Variants in NTN4 observed in about 807,000 individuals in gnomAD.
NTN4 encodes the protein netrin-4.
NTN4 carries 32 observed loss-of-function variants against 73.6 expected under a neutral mutation model. The ratio of observed to expected loss-of-function variants is 0.44; its 90% CI spans 0.33 to 0.58. NTN4 has a LOEUF of 0.58. NTN4 is among the 20% of genes least tolerant of loss of function. The probability of loss-of-function intolerance (pLI) is 0.04; values close to 1 mark genes in which losing one functional copy is unlikely to be tolerated. For missense variants in NTN4, 654 were observed against 798.3 expected, an observed-to-expected ratio of 0.82 and a Z score of 2.18; for synonymous variants, 258 against 287.5, an observed-to-expected ratio of 0.90 and a Z score of 1.04.
chr12:95,791,106 T>A (rs1451090465), upstream of NTN4: 1 of 152,686 alleles, frequency 6.5e-6, no homozygotes, highest in African/African-American at 2.4e-5. This position sits in a 1 kb window ranked among gnomAD's most constrained non-coding sequence, Gnocchi z 4.0. Context: ...GGAAGCAATC[T>A]CCCACCTTCT....
intron 7 of NTN4, chr12:95,673,845 T>G (rs2078252788): frequency 6.6e-6 from 1 of 152,244 alleles, no homozygotes; most frequent in African/African-American, 2.4e-5. Flanking sequence ...GTAAAATGCC[T>G]CTTGGTCCTG....
rs183177613 is a variant in NTN4 at position 95,701,705 on chromosome 12, C to T, written c.1180+8736G>A. 1.2e-3 allele frequency among the ~76,000 whole-genome samples: 181 copies of T among 152,236 alleles called. 1 individual carries two copies. Among genetic ancestry groups the T allele is most frequent in the African/African-American group, 4.1e-3 (172 of 41,536 alleles). The stretch of plus-strand genomic sequence containing the variant: ...TTTATAACCATTAAGTAAAAATGTA[C>T]ACATAAAACCATAGCATTTAGCATG... On this transcript the variant is annotated intron_variant, in intron 5 of 9. Transcript: ENST00000343702.
chr12:95,667,324 G>A (rs1283943333), intron 8 of NTN4, among the ~76,000 whole-genome samples: 1 of 151,620 alleles, frequency 6.6e-6, no homozygotes, highest in Admixed American at 6.6e-5. Context: ...CCGAGTAGCT[G>A]GGATTACAGG....
chr12:95,687,770 T>C (rs564200775), intron 5 of NTN4, among the ~76,000 whole-genome samples: 4 of 152,310 alleles, frequency 2.6e-5, no homozygotes, highest in Middle Eastern at 3.4e-3. Flanking sequence ...TCTGAATTCA[T>C]TGACAGAAGG....
intron 3 of NTN4, among the ~76,000 whole-genome samples, chr12:95,715,226 A>T: frequency 6.6e-6 from 1 of 152,108 alleles, no homozygotes; most frequent in East Asian, 1.9e-4. Context: ...TTTCATAAGC[A>T]ATATGTTGGT....
chr12:95,728,860 G>A (rs2121143443), intron 3 of NTN4, among the ~76,000 whole-genome samples: 1 of 152,252 alleles, frequency 6.6e-6, no homozygotes, highest in South Asian at 2.1e-4. Context: ...ATTCCCCTTG[G>A]CACTGCCCTC....
At position 95,672,419 on chromosome 12, in the gene NTN4, G is replaced by A. The variant is rs2120950798; in HGVS notation, c.1511-2273C>T. The A allele has an allele frequency of 2.5e-6, 3 of 1,197,910 alleles. No individual in the cohort carries two copies. The East Asian group carries it at 7.0e-5, about 28-fold the overall frequency. 74.2% of individuals were successfully genotyped at this position (1,197,910 alleles called of 1,614,324 possible). A position where few individuals can be genotyped will look rare whatever the true frequency, so the allele number is the denominator to read the frequency against. ...GCCCGGCAGGCCACCAGGAGGTGAAGCGCAGGCGGGCAGGCGCTGCTAGAT... is the reference window on the plus strand; with the variant it reads ...GCCCGGCAGGCCACCAGGAGGTGAAACGCAGGCGGGCAGGCGCTGCTAGAT... On this transcript the variant is annotated intron_variant, in intron 7 of 9. Transcript: ENST00000343702.
intron 5 of NTN4, among the ~76,000 whole-genome samples, chr12:95,700,481 G>C (rs2078476307): frequency 6.6e-6 from 1 of 152,088 alleles, no homozygotes; most frequent in Non-Finnish European, 1.5e-5. Flanking sequence ...AGTGCTCCCT[G>C]GTGATTCTGA....
chr12:95,769,458 A>G (rs528251398), intron 2 of NTN4, among the ~76,000 whole-genome samples: 48 of 151,824 alleles, frequency 3.2e-4, no homozygotes, highest in Non-Finnish European at 5.9e-4. Context: ...AGTTTAATTG[A>G]GCAATGAACG....
At chr12:95,665,501 G>A (rs1176286634) in intron 9 of NTN4, among the ~76,000 whole-genome samples, 1 of 152,152 alleles carries the variant, frequency 6.6e-6, no homozygotes, top group Non-Finnish European at 1.5e-5. Context: ...AAGAGTAAGT[G>A]GCAGATAAAT....
At chr12:95,675,477 A>G (rs374254310) in intron 7 of NTN4, among the ~76,000 whole-genome samples, 99 of 132,490 alleles carry the variant, frequency 7.5e-4, no homozygotes, top group Middle Eastern at 4.2e-3. Flanking sequence ...TTTTCATAAT[A>G]AAATGTTGGG....
chr12:95,783,044 A>G (rs1395882126), intron 2 of NTN4, among the ~76,000 whole-genome samples: 1 of 152,164 alleles, frequency 6.6e-6, no homozygotes, highest in Non-Finnish European at 1.5e-5. Flanking sequence ...TTAACCTATC[A>G]TTTTTAGCCT....
chr12:95,783,911 G>A (rs2079149220), intron 2 of NTN4, among the ~76,000 whole-genome samples: 1 of 152,170 alleles, frequency 6.6e-6, no homozygotes, highest in African/African-American at 2.4e-5. Flanking sequence ...CTCTGTTGAT[G>A]GAGGTGGCTG....
chr12:95,683,192 C>T (rs1186571059), intron 6 of NTN4, among the ~76,000 whole-genome samples: 2 of 152,042 alleles, frequency 1.3e-5, no homozygotes. Flanking sequence ...CCTGAGTAGC[C>T]GGGATTACTG....
At chr12:95,775,767 C>T (rs559158990) in intron 2 of NTN4, among the ~76,000 whole-genome samples, 8 of 152,312 alleles carry the variant, frequency 5.3e-5, no homozygotes, top group East Asian at 1.9e-4. Context: ...AGGGCATAGC[C>T]GAATAAAAGG....
intron 2 of NTN4, among the ~76,000 whole-genome samples, chr12:95,770,882 T>C (rs2079052303): frequency 1.3e-5 from 2 of 152,138 alleles, no homozygotes; most frequent in Admixed American, 1.3e-4. Flanking sequence ...TCTGCTCCTC[T>C]GCCAGTGGCA....
chr12:95,751,982 G>T (rs2078911849), intron 2 of NTN4, among the ~76,000 whole-genome samples: 1 of 150,128 alleles, frequency 6.7e-6, no homozygotes, highest in African/African-American at 2.5e-5. Flanking sequence ...ACTATTCCTG[G>T]ACTACAGCTA....
intron 3 of NTN4, among the ~76,000 whole-genome samples, chr12:95,733,762 A>G (rs2078755252): frequency 6.6e-6 from 1 of 151,972 alleles, no homozygotes; most frequent in Non-Finnish European, 1.5e-5. Context: ...GGGGAAGGTG[A>G]TGCTGTTTTA....
In NTN4 at chr12:95,790,507, C is replaced by G; in HGVS notation, c.-198G>C. On this transcript the variant is annotated 5_prime_UTR_variant, in exon 1 of 10. Coordinates refer to ENST00000343702, the MANE Select transcript of NTN4 (RefSeq NM_021229.4). The surrounding 1 kb of genome is among the most constrained non-coding windows in gnomAD (Gnocchi z 6.5). ...GGGACCGCGCGGGGAGGTGGGGTGA[C>G]CCTCGCGCACCGGCCTGGCGGGTCC... is the stretch of plus-strand genomic sequence containing the variant. 2.4e-6 allele frequency: 1 copy of G among 425,512 alleles called. No homozygotes were observed. The highest frequency in any genetic ancestry group is 4.1e-6 in the Non-Finnish European group (1 of 242,428). 26.4% of individuals were successfully genotyped at this position (425,512 alleles called of 1,614,324 possible).
Sources: gnomAD v4.1 joint callset for allele counts (sites outside exome capture counted in the v4.1 genomes callset) on GRCh38, gnomAD v4.1.1 for gene constraint, Gnocchi (gnomAD v3.1) non-coding constraint, MANE v1.5 for transcripts, NCBI Gene and HGNC (gene_info 2026-07-23, HGNC 2026-07-21) for gene names.